WDR72: variants seen among roughly 807,000 people sequenced by gnomAD.
WDR72 encodes WD repeat domain 72.
WDR72 carries 120 observed loss-of-function variants against 124.2 expected under a neutral mutation model. That is an observed-to-expected ratio of 0.97 (90% CI 0.83 to 1.12). The LOEUF is 1.12. Ranked by LOEUF, WDR72 falls within the 50% of genes most tolerant of loss-of-function variation. WDR72 has a pLI of 0.00. For missense variants in WDR72, 1,387 were observed against 1,278.8 expected, an observed-to-expected ratio of 1.08 and a Z score of -1.29; for synonymous variants, 452 against 441.7, an observed-to-expected ratio of 1.02 and a Z score of -0.29.
chr15:53,601,331 AC>A (rs1457488570), intron 17 of WDR72, among the ~76,000 whole-genome samples: 1 of 152,142 alleles, frequency 6.6e-6, no homozygotes, highest in Non-Finnish European at 1.5e-5. Flanking sequence ...TTACCACCGG[AC>A]CTGTCTTAGA....
chr15:53,673,079 C>G (rs934249108), intron 13 of WDR72, among the ~76,000 whole-genome samples: 1 of 152,004 alleles, frequency 6.6e-6, no homozygotes, highest in Non-Finnish European at 1.5e-5. Flanking sequence ...CATGATCATG[C>G]CACCGCACTC....
chr15:53,691,620 C>T (rs60621997), intron 13 of WDR72, among the ~76,000 whole-genome samples: 184 of 145,586 alleles, frequency 1.3e-3, no homozygotes, highest in South Asian at 3.5e-3. Context: ...GACAGACAGA[C>T]AGATAGATAG....
chr15:53,516,711 C>A lies in WDR72; in HGVS notation c.*988G>T, dbSNP rs1263066586. 2 of 151,744 alleles carry A rather than the reference C, an allele frequency of 1.3e-5. No homozygotes were observed. The highest frequency in any genetic ancestry group is 2.9e-5 in the Non-Finnish European group (2 of 67,916). 9.4% of individuals were successfully genotyped at this position (151,744 alleles called of 1,614,324 possible). ...TATCACATATTTAATACTTTATATC[C>A]TTTTTTCTATGGATTAGGCAATATT... On this transcript the variant is annotated 3_prime_UTR_variant, in exon 20 of 20. Transcript: ENST00000360509.
At chr15:53,610,249 A>G (rs2013481022) in intron 16 of WDR72, among the ~76,000 whole-genome samples, 1 of 152,106 alleles carries the variant, frequency 6.6e-6, no homozygotes. Context: ...GTCTATGTAA[A>G]CTGGTTCATA....
At chr15:53,702,652 C>T (rs572633499) in intron 11 of WDR72, among the ~76,000 whole-genome samples, 3 of 152,026 alleles carry the variant, frequency 2.0e-5, no homozygotes, top group African/African-American at 4.8e-5. Context: ...ATGGGCAGAT[C>T]GCTTGAGGTC....
chr15:53,556,272 T>C (rs1893927861), intron 18 of WDR72, among the ~76,000 whole-genome samples: 1 of 152,142 alleles, frequency 6.6e-6, no homozygotes, highest in East Asian at 1.9e-4. Context: ...ATGAAAACCA[T>C]TTAAACTTAT....
chr15:53,714,286 G>T, intron 6 of WDR72, 148 bp downstream of exon 6: 1 of 710,858 alleles, frequency 1.4e-6, no homozygotes, highest in Non-Finnish European at 2.5e-6. Flanking sequence ...CTGGGAAGAT[G>T]GATGGGGGAA....
intron 18 of WDR72, among the ~76,000 whole-genome samples, chr15:53,569,384 G>T (rs1474024173): frequency 1.3e-5 from 2 of 149,710 alleles, no homozygotes; most frequent in Non-Finnish European, 3.0e-5. Context: ...TCTCCAAAAT[G>T]GTGTGGACAA....
chr15:53,691,818 T>G (rs1725751513), intron 13 of WDR72, among the ~76,000 whole-genome samples: 2 of 152,208 alleles, frequency 1.3e-5, no homozygotes, highest in Admixed American at 1.3e-4. Flanking sequence ...AGACTGCACA[T>G]GTTAACAGTG....
At chr15:53,622,673 G>C (rs73408266) in intron 14 of WDR72, among the ~76,000 whole-genome samples, 4 of 151,848 alleles carry the variant, frequency 2.6e-5, no homozygotes, top group African/African-American at 9.7e-5. Flanking sequence ...GTTAATGCAT[G>C]CTGGCCTTAA....
chr15:53,519,878 G>A (rs11856406), intron 19 of WDR72, among the ~76,000 whole-genome samples: 55,570 of 151,866 alleles, frequency 0.37, 10,765 homozygotes, highest in Admixed American at 0.48. Flanking sequence ...ATTCAGTGCT[G>A]GAGAAGGAGT....
At chr15:53,713,387 T>C (rs2017603838) in intron 6 of WDR72, among the ~76,000 whole-genome samples, 2 of 146,512 alleles carry the variant, frequency 1.4e-5, no homozygotes, top group African/African-American at 2.6e-5. Context: ...AAACCTACAG[T>C]ATTTTATTTT....
intron 17 of WDR72, among the ~76,000 whole-genome samples, chr15:53,599,889 C>A (rs1408892950): frequency 6.6e-6 from 1 of 152,044 alleles, no homozygotes; most frequent in Non-Finnish European, 1.5e-5. Flanking sequence ...GTTGTCACCA[C>A]AAATGCATAT....
intron 7 of WDR72, among the ~76,000 whole-genome samples, chr15:53,711,769 G>T (rs899315700): frequency 6.6e-6 from 1 of 152,016 alleles, no homozygotes; most frequent in Non-Finnish European, 1.5e-5. Context: ...TTTCCATAAT[G>T]AGTACTCCAA....
chr15:53,678,990 T>C (rs760475318), intron 13 of WDR72, among the ~76,000 whole-genome samples: 5 of 152,194 alleles, frequency 3.3e-5, no homozygotes, highest in Non-Finnish European at 7.3e-5. Context: ...AAGGAAATTC[T>C]GACACATGCT....
intron 14 of WDR72, among the ~76,000 whole-genome samples, chr15:53,654,935 G>A (rs76775970): frequency 3.3e-5 from 5 of 151,930 alleles, no homozygotes; most frequent in African/African-American, 7.2e-5. Flanking sequence ...ATAAAGATAC[G>A]CTTAAGAGAT....
chr15:53,731,454 C>G (rs2018200768), intron 2 of WDR72, among the ~76,000 whole-genome samples: 1 of 151,956 alleles, frequency 6.6e-6, no homozygotes, highest in African/African-American at 2.4e-5. Flanking sequence ...TTGTGAGGAG[C>G]TGTCATGTGC....
At chr15:53,633,381 C>T (rs1032424811) in intron 14 of WDR72, among the ~76,000 whole-genome samples, 2 of 152,172 alleles carry the variant, frequency 1.3e-5, no homozygotes, top group Admixed American at 6.5e-5. Flanking sequence ...AAGCAGCAGC[C>T]ACTATGCTTC....
chr15:53,514,580 G>T lies in WDR72; in HGVS notation c.*3119C>A, dbSNP rs557698697. The T allele has an allele frequency of 6.6e-6, 1 of 152,190 alleles. No homozygotes were observed. Among genetic ancestry groups the T allele is most frequent in the East Asian group, 1.9e-4 (1 of 5,178 alleles). 9.4% of individuals were successfully genotyped at this position (152,190 alleles called of 1,614,324 possible). A position where few individuals can be genotyped will look rare whatever the true frequency, so the allele number is the denominator to read the frequency against. The stretch of plus-strand genomic sequence containing the variant: ...CACCAAATGCTATCATCTAAAGATA[G>T]AATATTAATATTTAACAAACTGTAT... On this transcript the variant is annotated 3_prime_UTR_variant, in exon 20 of 20. Transcript: ENST00000360509.
Sources: gnomAD v4.1 joint callset for allele counts (sites outside exome capture counted in the v4.1 genomes callset) on GRCh38, gnomAD v4.1.1 for gene constraint, MANE v1.5 for transcripts, NCBI Gene and HGNC (gene_info 2026-07-23, HGNC 2026-07-21) for gene names.